The following TNNI3K variants were observed in gnomAD, a reference collection of about 807,000 sequenced individuals.
TNNI3K encodes serine/threonine-protein kinase TNNI3K.
Under a neutral mutation model 114.5 loss-of-function variants are expected in TNNI3K, and 140 were observed. The ratio of observed to expected loss-of-function variants is 1.22; its 90% CI spans 1.07 to 1.41. The LOEUF (loss-of-function observed/expected upper bound fraction) is 1.41. TNNI3K is among the 40% of genes most tolerant of loss of function. TNNI3K has a pLI of 0.00. For missense variants in TNNI3K, 1,125 were observed against 1,007.6 expected, an observed-to-expected ratio of 1.12 and a Z score of -1.58; for synonymous variants, 347 against 347.5, an observed-to-expected ratio of 1.00 and a Z score of 0.02.
At chr1:74,340,606 C>A (rs543006801) in intron 7 of TNNI3K, among the ~76,000 whole-genome samples, 1 of 152,096 alleles carries the variant, frequency 6.6e-6, no homozygotes, top group South Asian at 2.1e-4. Context: ...AAGTAAATAA[C>A]CTAATTTGAA....
intron 21 of TNNI3K, among the ~76,000 whole-genome samples, chr1:74,473,922 A>G (rs544047697): frequency 1.1e-4 from 16 of 152,138 alleles, no homozygotes; most frequent in Non-Finnish European, 1.8e-4. Context: ...TCTTTTTCCA[A>G]GTCAGAAGGC....
chr1:74,457,754 G>A (rs1030793731), intron 20 of TNNI3K, among the ~76,000 whole-genome samples: 2 of 152,070 alleles, frequency 1.3e-5, no homozygotes, highest in Non-Finnish European at 2.9e-5. Flanking sequence ...TTACTTTAGG[G>A]ATTGAGAATC....
intron 20 of TNNI3K, among the ~76,000 whole-genome samples, chr1:74,446,087 T>C (rs1235460409): frequency 6.6e-6 from 1 of 152,008 alleles, no homozygotes; most frequent in Non-Finnish European, 1.5e-5. Context: ...ATGGTATTTC[T>C]AGTTCTAGAT....
intron 20 of TNNI3K, among the ~76,000 whole-genome samples, chr1:74,451,220 G>A (rs1029849305): frequency 6.6e-6 from 1 of 152,028 alleles, no homozygotes; most frequent in Non-Finnish European, 1.5e-5. Flanking sequence ...CACAGGGAGG[G>A]GAACAATGCA....
At chr1:74,532,554 C>A (rs1646603059) in intron 23 of TNNI3K, among the ~76,000 whole-genome samples, 1 of 151,756 alleles carries the variant, frequency 6.6e-6, no homozygotes, top group South Asian at 2.1e-4. Context: ...ATACATGTGC[C>A]ATGCTGGTGT....
chr1:74,327,328 A>G (rs1376351499), intron 5 of TNNI3K, among the ~76,000 whole-genome samples: 1 of 150,044 alleles, frequency 6.7e-6, no homozygotes, highest in Admixed American at 6.7e-5. Context: ...CATCAGTGAA[A>G]AGTACCAAGT....
chr1:74,328,308 C>T (rs1370633844), intron 5 of TNNI3K, among the ~76,000 whole-genome samples: 1 of 151,276 alleles, frequency 6.6e-6, no homozygotes, highest in Non-Finnish European at 1.5e-5. Context: ...GTTGATTTAC[C>T]AACTTTTTCA....
At chr1:74,330,370 A>G (rs1315437369) in intron 5 of TNNI3K, among the ~76,000 whole-genome samples, 2 of 152,106 alleles carry the variant, frequency 1.3e-5, no homozygotes, top group Non-Finnish European at 2.9e-5. Flanking sequence ...CAGCCCAGAG[A>G]AGTCACCAGA....
intron 4 of TNNI3K, among the ~76,000 whole-genome samples, chr1:74,255,457 C>T (rs1012902855): frequency 1.3e-5 from 2 of 151,964 alleles, no homozygotes; most frequent in Admixed American, 1.3e-4. Context: ...TGGAGTTGTT[C>T]ACTCTGGTTC....
chr1:74,272,731 G>T (rs1231043126), intron 5 of TNNI3K, among the ~76,000 whole-genome samples: 1 of 151,892 alleles, frequency 6.6e-6, no homozygotes, highest in East Asian at 1.9e-4. Context: ...ATTATGGGAA[G>T]GACTTCCATT....
At chr1:74,436,825 A>G (rs1054697844) in intron 19 of TNNI3K, among the ~76,000 whole-genome samples, 6 of 152,070 alleles carry the variant, frequency 3.9e-5, no homozygotes, top group African/African-American at 1.4e-4. Context: ...TAGATCACCT[A>G]ACTACTTATA....
chr1:74,329,011 C>T (rs1414012476), intron 5 of TNNI3K, among the ~76,000 whole-genome samples: 1 of 152,074 alleles, frequency 6.6e-6, no homozygotes, highest in Non-Finnish European at 1.5e-5. Context: ...ATGGCTTCAG[C>T]ATTCATTTTC....
At chr1:74,510,536 T>C (rs568844570) in intron 23 of TNNI3K, among the ~76,000 whole-genome samples, 11 of 152,194 alleles carry the variant, frequency 7.2e-5, no homozygotes, top group Admixed American at 6.5e-4. Context: ...AAAAAAATTA[T>C]TGAGAGATTG....
intron 17 of TNNI3K, among the ~76,000 whole-genome samples, chr1:74,381,415 C>T (rs749548664): frequency 2.6e-5 from 4 of 152,096 alleles, no homozygotes; most frequent in Non-Finnish European, 4.4e-5. Flanking sequence ...TTTATTCTTT[C>T]GAAAGAATCT....
chr1:74,236,930 A>T (rs190579852), intron 2 of TNNI3K, among the ~76,000 whole-genome samples: 1 of 151,910 alleles, frequency 6.6e-6, no homozygotes, highest in Non-Finnish European at 1.5e-5. Context: ...GAAAAGTTCC[A>T]TATAGGCCAA....
chr1:74,537,968 G>T (rs1469130642), intron 23 of TNNI3K, among the ~76,000 whole-genome samples: 1 of 152,118 alleles, frequency 6.6e-6, no homozygotes, highest in African/African-American at 2.4e-5. Context: ...TTTTATAGTT[G>T]TATCACTGAG....
chr1:74,538,280 C>A (rs188751866), intron 23 of TNNI3K, among the ~76,000 whole-genome samples: 2 of 152,128 alleles, frequency 1.3e-5, no homozygotes, highest in East Asian at 1.9e-4. Context: ...CTTGGTATAT[C>A]GGCTTGGGGA....
intron 9 of TNNI3K, among the ~76,000 whole-genome samples, chr1:74,352,685 G>A (rs1661426842): frequency 6.6e-6 from 1 of 152,286 alleles, no homozygotes; most frequent in African/African-American, 2.4e-5. Context: ...CCCTCCCCCA[G>A]CCTCGCTGCC....
chr1:74,256,097 A>G (rs1570379396), intron 4 of TNNI3K, among the ~76,000 whole-genome samples: 1 of 152,238 alleles, frequency 6.6e-6, no homozygotes, highest in South Asian at 2.1e-4. Context: ...GTTTGAACAT[A>G]TGTTTTTATT....
Sources: gnomAD v4.1 joint callset for allele counts (sites outside exome capture counted in the v4.1 genomes callset) on GRCh38, gnomAD v4.1.1 for gene constraint, MANE v1.5 for transcripts, NCBI Gene and HGNC (gene_info 2026-07-23, HGNC 2026-07-21) for gene names.